The following CSMD3 variants were observed in gnomAD, a reference collection of about 807,000 sequenced individuals.
CSMD3 encodes CUB and sushi domain-containing protein 3.
In CSMD3, 177 loss-of-function variants were observed where a neutral mutation model predicts 435.2. The ratio of observed to expected loss-of-function variants is 0.41; its 90% confidence interval spans 0.36 to 0.46. The LOEUF is 0.46. Among genes scored for constraint, CSMD3 ranks in the 20% least tolerant of loss-of-function variants. The pLI is 0.34. For missense variants in CSMD3, 4,265 were observed against 4,504.6 expected (o/e 0.95, Z 1.52); for synonymous variants, 1,656 against 1,520.5 (o/e 1.09, Z -2.07).
chr8:112,604,313 C>T (rs1465630761), intron 22 of CSMD3, among the ~76,000 whole-genome samples: 1 of 151,976 alleles, frequency 6.6e-6, no homozygotes, highest in Non-Finnish European at 1.5e-5. Flanking sequence ...TTTATTTTTG[C>T]ATCAATATGA....
At chr8:112,432,696 T>C (rs745999237) in intron 32 of CSMD3, among the ~76,000 whole-genome samples, 2 of 151,992 alleles carry the variant, frequency 1.3e-5, no homozygotes, top group African/African-American at 2.4e-5. Context: ...GAACAGAACA[T>C]AGGACATCTC....
chr8:112,499,950 G>T (rs899473029), intron 30 of CSMD3, among the ~76,000 whole-genome samples: 1 of 151,800 alleles, frequency 6.6e-6, no homozygotes, highest in Admixed American at 6.6e-5. Context: ...CTCTACTAAA[G>T]ATACAAAAAT....
At chr8:113,261,438 T>G (rs1242674961) in intron 3 of CSMD3, among the ~76,000 whole-genome samples, 4 of 152,154 alleles carry the variant, frequency 2.6e-5, no homozygotes, top group African/African-American at 9.6e-5. Context: ...CATTGTGACC[T>G]CTTTTTAAAT....
chr8:112,886,174 T>C (rs1273585052), intron 10 of CSMD3, among the ~76,000 whole-genome samples: 2 of 151,770 alleles, frequency 1.3e-5, no homozygotes, highest in South Asian at 2.1e-4. Context: ...AAATCTTTAA[T>C]ATAAATATCA....
chr8:112,736,492 T>G (rs1353629580), intron 13 of CSMD3, among the ~76,000 whole-genome samples: 2 of 151,988 alleles, frequency 1.3e-5, no homozygotes, highest in African/African-American at 4.8e-5. Flanking sequence ...TAATGTGAAC[T>G]CTCATAGTCT....
chr8:112,503,773 G>T lies in CSMD3; in HGVS notation c.5083+17C>A, dbSNP rs2130914093. On this transcript the variant is annotated intron_variant, in intron 30 of 70. Transcript: ENST00000297405. ...ATAATTTAAATCATGATACTAACATGGAATGTTCATATTTACCTTTGTATT... is the reference window on the plus strand; with the variant it reads ...ATAATTTAAATCATGATACTAACATTGAATGTTCATATTTACCTTTGTATT... The T allele has an allele frequency of 6.4e-7, 1 of 1,556,514 alleles. No individual in the cohort carries two copies. Among genetic ancestry groups the T allele is most frequent in the East Asian group, 2.2e-5 (1 of 44,446 alleles).
intron 37 of CSMD3, among the ~76,000 whole-genome samples, chr8:112,381,792 A>G (rs1268644506): frequency 5.9e-5 from 9 of 152,130 alleles, no homozygotes; most frequent in Non-Finnish European, 1.3e-4. Flanking sequence ...GTGGGTCCCA[A>G]TCTCATTCTA....
chr8:112,489,546 C>A lies in CSMD3; in HGVS notation c.5278+2943G>T, dbSNP rs116022759. On this transcript the variant is annotated intron_variant, in intron 31 of 70. Transcript: ENST00000297405. ...AGAAACAAAAATATATCAAATTCTCCTTATTGTGTGACAGTGACAGCCACA... is the reference window on the plus strand; with the variant it reads ...AGAAACAAAAATATATCAAATTCTCATTATTGTGTGACAGTGACAGCCACA... Among the ~76,000 whole-genome samples the A allele has an allele frequency of 8.2e-3, 1,245 of 152,232 alleles. 25 individuals are homozygous for A. The highest frequency in any genetic ancestry group is 0.028 in the African/African-American group (1,156 of 41,550).
intron 1 of CSMD3, among the ~76,000 whole-genome samples, chr8:113,374,355 ATAT>A (rs2094365242): frequency 6.6e-6 from 1 of 152,114 alleles, no homozygotes; most frequent in Non-Finnish European, 1.5e-5. Flanking sequence ...TGTTTTTGAA[ATAT>A]TATTTTAACG....
At chr8:113,396,211 A>G (rs1293029490) in intron 1 of CSMD3, among the ~76,000 whole-genome samples, 2 of 152,178 alleles carry the variant, frequency 1.3e-5, no homozygotes, top group Non-Finnish European at 2.9e-5. Flanking sequence ...GGGATCATTT[A>G]TTAAGTAATG....
chr8:113,305,041 T>C (rs1443780618), intron 2 of CSMD3, among the ~76,000 whole-genome samples: 1 of 149,846 alleles, frequency 6.7e-6, no homozygotes, highest in East Asian at 2.0e-4. Context: ...CTCAGTAAAC[T>C]ATCGCAAGAA....
At chr8:113,162,634 A>T (rs1049882045) in intron 4 of CSMD3, among the ~76,000 whole-genome samples, 1 of 150,638 alleles carries the variant, frequency 6.6e-6, no homozygotes, top group Non-Finnish European at 1.5e-5. Flanking sequence ...CCAATCCTAG[A>T]TTTACCTTTT....
chr8:113,096,071 A>G (rs1249741482), intron 5 of CSMD3, among the ~76,000 whole-genome samples: 2 of 152,116 alleles, frequency 1.3e-5, no homozygotes, highest in Non-Finnish European at 2.9e-5. Context: ...TTCAACTGGT[A>G]GAAACAGGAA....
rs575152162 is a variant in CSMD3, at chr8:113,013,645, G to A, written c.1030+5422C>T. Among the ~76,000 whole-genome samples, 32 of 152,154 alleles carry A rather than the reference G, an allele frequency of 2.1e-4. No individual in the cohort carries two copies. The South Asian group carries it at 5.2e-3, about 25-fold the overall frequency. ...AACCTAAAAGGACAGGAACCAGGGCGTTTGGAGGATCTAGATAGCTAATCT... is the reference window on the plus strand; with the variant it reads ...AACCTAAAAGGACAGGAACCAGGGCATTTGGAGGATCTAGATAGCTAATCT... On this transcript the variant is annotated intron_variant, in intron 6 of 70. Coordinates refer to ENST00000297405, the MANE Select transcript of CSMD3 (RefSeq NM_198123.2).
intron 24 of CSMD3, among the ~76,000 whole-genome samples, chr8:112,560,158 T>C (rs1286360874): frequency 6.6e-6 from 1 of 151,804 alleles, no homozygotes; most frequent in Non-Finnish European, 1.5e-5. Flanking sequence ...TGTATAGTTC[T>C]AAGTACTAAG....
chr8:112,546,532 C>T (rs531528967), intron 27 of CSMD3, among the ~76,000 whole-genome samples: 1 of 152,204 alleles, frequency 6.6e-6, no homozygotes, highest in South Asian at 2.1e-4. Context: ...TTGTATTACC[C>T]AGCAGGGGAA....
chr8:112,713,482 A>T (rs1189704378), intron 13 of CSMD3, among the ~76,000 whole-genome samples: 1 of 151,948 alleles, frequency 6.6e-6, no homozygotes, highest in African/African-American at 2.4e-5. Context: ...GGGAGAATGG[A>T]ACCAAGTTGG....
At chr8:112,277,280 T>C (rs1395403046) in intron 59 of CSMD3, among the ~76,000 whole-genome samples, 1 of 152,156 alleles carries the variant, frequency 6.6e-6, no homozygotes, top group East Asian at 1.9e-4. Context: ...CCAGATACCG[T>C]AAATCATCTC....
intron 13 of CSMD3, among the ~76,000 whole-genome samples, chr8:112,731,290 C>A (rs940130126): frequency 2.6e-5 from 4 of 152,080 alleles, no homozygotes; most frequent in African/African-American, 9.7e-5. Flanking sequence ...AAGTGATAGT[C>A]ATTTTTTAAA....
Sources: allele counts gnomAD v4.1 joint callset (sites outside exome capture counted in the v4.1 genomes callset), GRCh38; gene constraint gnomAD v4.1.1; transcripts MANE v1.5; gene names NCBI Gene and HGNC (gene_info 2026-07-23, HGNC 2026-07-21).